Variants in ZFR observed in about 807,000 individuals in gnomAD.
The protein encoded by ZFR is zinc finger RNA binding protein.
Under a neutral mutation model 130.7 loss-of-function variants are expected in ZFR, and 19 were observed. That is an observed-to-expected ratio of 0.15 (90% CI 0.10 to 0.21). The LOEUF (loss-of-function observed/expected upper bound fraction) is 0.21. ZFR is among the 10% of genes least tolerant of loss of function. The pLI, the probability that ZFR is intolerant of heterozygous loss-of-function variation, is 1.00. For missense variants in ZFR, 872 were observed against 1,321.5 expected (o/e 0.66, Z 5.27); for synonymous variants, 466 against 456.9 (o/e 1.02, Z -0.25).
intron 2 of ZFR, among the ~76,000 whole-genome samples, chr5:32,436,856 G>A (rs954419704): frequency 6.6e-6 from 1 of 152,140 alleles, no homozygotes; most frequent in Non-Finnish European, 1.5e-5. Context: ...TTCTGTTTTT[G>A]TTTTTAATTT....
chr5:32,358,387 G>A (rs1015499792), intron 19 of ZFR, among the ~76,000 whole-genome samples: 2 of 152,102 alleles, frequency 1.3e-5, no homozygotes, highest in Admixed American at 6.6e-5. Flanking sequence ...AAGGCCGGGC[G>A]CGGTGGCGCA....
intron 10 of ZFR, among the ~76,000 whole-genome samples, chr5:32,395,666 G>GT (rs1171600908): frequency 3.3e-5 from 5 of 152,154 alleles, no homozygotes; most frequent in Non-Finnish European, 7.3e-5. Context: ...CCCTGAGAGA[G>GT]TAAGACCAAC....
At chr5:32,421,745 C>CCTA (rs1304142002) in intron 2 of ZFR, among the ~76,000 whole-genome samples, 1 of 151,898 alleles carries the variant, frequency 6.6e-6, no homozygotes, top group Admixed American at 6.5e-5. Flanking sequence ...AAACTTAGAA[C>CCTA]AGAGTCCAAA....
chr5:32,426,928 T>C (rs547617134), intron 2 of ZFR, among the ~76,000 whole-genome samples: 3 of 137,580 alleles, frequency 2.2e-5, no homozygotes, highest in South Asian at 2.3e-4. Context: ...AGCATCCTAA[T>C]TGAAAAAGAT....
chr5:32,395,432 A>G, intron 10 of ZFR, 128 bp from the exon 11 acceptor site: 3 of 626,584 alleles, frequency 4.8e-6, no homozygotes, highest in Non-Finnish European at 7.2e-6. Flanking sequence ...ACTAGAGAGT[A>G]AAATCAATAT....
intron 4 of ZFR, among the ~76,000 whole-genome samples, chr5:32,416,381 G>A (rs1024479712): frequency 3.9e-5 from 6 of 152,082 alleles, no homozygotes; most frequent in African/African-American, 9.7e-5. Context: ...TTGGGAGGCC[G>A]AAGCGGGCAG....
chr5:32,403,016 C>T (rs1443756827), intron 8 of ZFR, 90 bp downstream of exon 8: 3 of 1,343,920 alleles, frequency 2.2e-6, no homozygotes, highest in Non-Finnish European at 3.1e-6. Context: ...GGAGGCAGGT[C>T]CAAGAACACA....
In ZFR at chr5:32,393,882, G is replaced by T. The variant is rs551258243; in HGVS notation, c.1979+1277C>A. On this transcript the variant is annotated intron_variant, in intron 11 of 19. Coordinates refer to ENST00000265069, the MANE Select transcript of ZFR (RefSeq NM_016107.5). ...TCGCCTCAATAGGTTCACATACTTGGTGAAAGAAACAAAAAAGTGCCTCAA... is the reference window on the plus strand; with the variant it reads ...TCGCCTCAATAGGTTCACATACTTGTTGAAAGAAACAAAAAAGTGCCTCAA... 4.6e-5 allele frequency among the ~76,000 whole-genome samples: 7 copies of T among 152,192 alleles called. No homozygotes were observed. The South Asian group carries it at 1.2e-3, about 27-fold the overall frequency.
chr5:32,444,056 A>AAGGCG (rs1561936760), intron 2 of ZFR, among the ~76,000 whole-genome samples, 173 bp downstream of exon 2: 2 of 119,954 alleles, frequency 1.7e-5, no homozygotes, highest in Non-Finnish European at 3.6e-5. Context: ...CGGGCCGGGC[A>AAGGCG]AGGCGGGGCG....
At chr5:32,374,281 G>A (rs1328513187) in intron 17 of ZFR, among the ~76,000 whole-genome samples, 4 of 152,072 alleles carry the variant, frequency 2.6e-5, no homozygotes, top group African/African-American at 9.7e-5. Context: ...CAAGGTGGGC[G>A]GATCACTTGA....
At chr5:32,379,256 G>T in intron 16 of ZFR, 46 bp from the exon 17 acceptor site, 1 of 1,508,824 alleles carries the variant, frequency 6.6e-7, no homozygotes, top group Non-Finnish European at 9.2e-7. Context: ...TAGAAATACT[G>T]AATATATCCC....
At chr5:32,409,475 G>A (rs1364211901) in intron 5 of ZFR, among the ~76,000 whole-genome samples, 7 of 149,130 alleles carry the variant, frequency 4.7e-5, no homozygotes, top group East Asian at 4.0e-4. Flanking sequence ...GCGCAATCTC[G>A]ACTCACTGCA....
At chr5:32,432,110 G>T (rs1001851533) in intron 2 of ZFR, among the ~76,000 whole-genome samples, 3 of 151,814 alleles carry the variant, frequency 2.0e-5, no homozygotes, top group Admixed American at 6.6e-5. Context: ...ACCCACCTCA[G>T]CCTCCTGAGT....
chr5:32,374,520 T>C (rs780156638), intron 17 of ZFR, among the ~76,000 whole-genome samples: 3 of 151,654 alleles, frequency 2.0e-5, no homozygotes, highest in Non-Finnish European at 4.4e-5. Flanking sequence ...AATAATTAAA[T>C]AAATAAATAA....
chr5:32,355,996 T>C, intron 19 of ZFR, 57 bp from the exon 20 acceptor site: 1 of 1,394,174 alleles, frequency 7.2e-7, no homozygotes, highest in Non-Finnish European at 9.6e-7. Flanking sequence ...GTAGTAATAC[T>C]TACTACATTT....
intron 5 of ZFR, 108 bp from the exon 6 acceptor site, chr5:32,407,129 T>C: frequency 9.7e-7 from 1 of 1,029,672 alleles, no homozygotes; most frequent in Non-Finnish European, 1.4e-6. Flanking sequence ...TAGATTTACA[T>C]GTGCATATTT....
At chr5:32,416,914 CTT>C (rs57923621) in intron 4 of ZFR, among the ~76,000 whole-genome samples, 2 of 146,280 alleles carry the variant, frequency 1.4e-5, no homozygotes, top group East Asian at 2.0e-4. Flanking sequence ...CATTTTTTTT[CTT>C]TTTTTTTTTA....
intron 2 of ZFR, among the ~76,000 whole-genome samples, chr5:32,432,747 T>C (rs1754252254): frequency 2.0e-5 from 3 of 152,108 alleles, no homozygotes; most frequent in Admixed American, 2.0e-4. Flanking sequence ...CATTTCTTCT[T>C]TTTATTTTTT....
At position 32,364,063 on chromosome 5, in the gene ZFR, G is replaced by T; in HGVS notation, c.2948-18C>A. 1 of 1,611,194 alleles carries T rather than the reference G, an allele frequency of 6.2e-7. No individual in the cohort carries two copies. Among genetic ancestry groups the T allele is most frequent in the Non-Finnish European group, 8.5e-7 (1 of 1,177,682 alleles). ...AGGACTACCTACAGCAATCACCACA[G>T]GGAGAGGAAATTATTAGCATTGTCC... On this transcript the variant is annotated intron_variant, in intron 18 of 19. Transcript: ENST00000265069.
Sources: gnomAD v4.1 joint callset for allele counts (sites outside exome capture counted in the v4.1 genomes callset) on GRCh38, gnomAD v4.1.1 for gene constraint, MANE v1.5 for transcripts, NCBI Gene and HGNC (gene_info 2026-07-23, HGNC 2026-07-21) for gene names.